PTPRK: variants seen among roughly 807,000 people sequenced by gnomAD.
PTPRK encodes protein tyrosine phosphatase receptor type K, also known as receptor-type tyrosine-protein phosphatase kappa.
Under a neutral mutation model 178.0 loss-of-function variants are expected in PTPRK, and 75 were observed. The ratio of observed to expected loss-of-function variants is 0.42; its 90% CI spans 0.35 to 0.51. The LOEUF (loss-of-function observed/expected upper bound fraction) is 0.51. Among genes scored for constraint, PTPRK ranks in the 20% least tolerant of loss-of-function variants. PTPRK has a pLI of 0.02. For synonymous variants in PTPRK, 637 were observed against 620.6 expected, an observed-to-expected ratio of 1.03 and a Z score of -0.39; for missense variants, 1,441 against 1,797.8, an observed-to-expected ratio of 0.80 and a Z score of 3.59.
intron 10 of PTPRK, 93 bp downstream of exon 10, chr6:128,082,343 TG>T (rs1308054051): frequency 8.6e-7 from 1 of 1,168,152 alleles, no homozygotes; most frequent in Non-Finnish European, 1.3e-6. Context: ...ACAAGCAAGA[TG>T]AACTACACTT....
At chr6:128,054,189 C>T (rs941918375) in intron 13 of PTPRK, among the ~76,000 whole-genome samples, 1 of 152,142 alleles carries the variant, frequency 6.6e-6, no homozygotes, top group African/African-American at 2.4e-5. Flanking sequence ...AGATGTAAAG[C>T]ATGTTTTCCA....
intron 2 of PTPRK, among the ~76,000 whole-genome samples, chr6:128,369,661 T>A (rs976208513): frequency 6.6e-6 from 1 of 152,190 alleles, no homozygotes; most frequent in East Asian, 1.9e-4. Flanking sequence ...CTGAATAGAT[T>A]ATGAAAGTTT....
intron 7 of PTPRK, among the ~76,000 whole-genome samples, chr6:128,156,401 G>A (rs1327699138): frequency 3.3e-5 from 5 of 151,996 alleles, no homozygotes; most frequent in East Asian, 2.0e-4. Context: ...TTAACAGGAA[G>A]CATGGCTTGG....
chr6:128,423,172 A>T (rs1311482914), intron 1 of PTPRK, among the ~76,000 whole-genome samples: 2 of 152,256 alleles, frequency 1.3e-5, no homozygotes, highest in African/African-American at 4.8e-5. Flanking sequence ...AAAAGTTTTT[A>T]AAAGCTTAAC....
chr6:128,331,512 T>C (rs1830276072), intron 2 of PTPRK, among the ~76,000 whole-genome samples: 1 of 151,938 alleles, frequency 6.6e-6, no homozygotes, highest in African/African-American at 2.4e-5. Flanking sequence ...GAAATGATAA[T>C]AAGCAAAATT....
intron 11 of PTPRK, among the ~76,000 whole-genome samples, chr6:128,072,362 T>C (rs1782979281): frequency 6.6e-6 from 1 of 152,152 alleles, no homozygotes; most frequent in South Asian, 2.1e-4. Flanking sequence ...GAAATGAATA[T>C]AATACATCTA....
intron 27 of PTPRK, 139 bp from the exon 28 acceptor site, chr6:127,973,966 G>A: frequency 1.3e-6 from 1 of 753,018 alleles, no homozygotes; most frequent in Non-Finnish European, 2.0e-6. Context: ...ATATGTACAT[G>A]CTAGTAAAAA....
intron 1 of PTPRK, among the ~76,000 whole-genome samples, chr6:128,426,637 T>C (rs1450295400): frequency 6.6e-6 from 1 of 152,218 alleles, no homozygotes; most frequent in Non-Finnish European, 1.5e-5. Flanking sequence ...AGATGTAACA[T>C]TTTCAAAGAA....
At chr6:128,012,851 C>T (rs554110160) in intron 13 of PTPRK, among the ~76,000 whole-genome samples, 1 of 151,440 alleles carries the variant, frequency 6.6e-6, no homozygotes, top group South Asian at 2.1e-4. Flanking sequence ...ATTAAGTAAT[C>T]TTATGGTGTC....
chr6:128,510,266 GGTCC>G (rs1856977836), intron 1 of PTPRK, among the ~76,000 whole-genome samples: 1 of 152,120 alleles, frequency 6.6e-6, no homozygotes, highest in Non-Finnish European at 1.5e-5. Flanking sequence ...GCACAGCCAT[GGTCC>G]TCAGTCAAAT....
rs1223157915 is a variant in PTPRK at position 128,089,795 on chromosome 6, C to T, written c.1360G>A (p.Val454Met). The T allele has an allele frequency of 1.5e-5, 25 of 1,613,780 alleles. No individual in the cohort carries two copies. The highest frequency in any genetic ancestry group is 2.1e-5 in the Non-Finnish European group (25 of 1,179,812). ...TTTGTATAAGGTGGCAGATGGTTCACAACATGCTGAGGGGCTTTGGGGTCC... is the reference window on the plus strand; with the variant it reads ...TTTGTATAAGGTGGCAGATGGTTCATAACATGCTGAGGGGCTTTGGGGTCC... ...DMDPKAPQHV[V>M]NHLPPYTNVS... is the part of the protein sequence containing the mutation. The change falls in exon 8 of 30, where the codon GTG becomes ATG. Residue 454 changes from valine to methionine, a missense_variant. Val to Met is a conservative substitution (Grantham distance 21). This residue lies in a region of PTPRK where 945 missense variants were observed against 1,080.6 expected (regional missense o/e 0.87). Coordinates refer to ENST00000368226, the MANE Select transcript of PTPRK (RefSeq NM_002844.4).
intron 7 of PTPRK, among the ~76,000 whole-genome samples, chr6:128,091,972 T>C (rs1007586945): frequency 1.1e-4 from 17 of 152,216 alleles, no homozygotes; most frequent in African/African-American, 2.9e-4. Flanking sequence ...TTATTTATTA[T>C]CTGTTATGCA....
At chr6:128,432,812 T>A (rs532458435) in intron 1 of PTPRK, among the ~76,000 whole-genome samples, 1 of 152,128 alleles carries the variant, frequency 6.6e-6, no homozygotes, top group East Asian at 1.9e-4. Flanking sequence ...ATTTTTACAT[T>A]TTTATTATTA....
intron 15 of PTPRK, chr6:128,000,165 TA>T: frequency 2.1e-6 from 2 of 966,708 alleles, no homozygotes; most frequent in Non-Finnish European, 2.5e-6. Context: ...AATACACTCT[TA>T]GGGGAACTTT....
chr6:128,386,087 T>C (rs1259415530), intron 2 of PTPRK, among the ~76,000 whole-genome samples: 1 of 152,172 alleles, frequency 6.6e-6, no homozygotes, highest in African/African-American at 2.4e-5. Context: ...TATCTTGATT[T>C]AATTTTAATC....
chr6:128,416,485 CA>C (rs538378758), intron 1 of PTPRK, among the ~76,000 whole-genome samples: 177 of 140,108 alleles, frequency 1.3e-3, no homozygotes, highest in South Asian at 3.8e-3. Flanking sequence ...ACTAAAAATA[CA>C]AAAAAAAAAA....
chr6:128,002,478 C>A (rs904332553), intron 15 of PTPRK, among the ~76,000 whole-genome samples: 7 of 151,464 alleles, frequency 4.6e-5, no homozygotes, highest in African/African-American at 1.7e-4. Flanking sequence ...GAACAGGGTA[C>A]AAAGTGAAAT....
At chr6:128,158,117 G>T (rs190905497) in intron 7 of PTPRK, among the ~76,000 whole-genome samples, 2 of 151,926 alleles carry the variant, frequency 1.3e-5, no homozygotes, top group African/African-American at 4.8e-5. Flanking sequence ...TTTTGTATAA[G>T]GTGTAAGGAA....
At chr6:128,005,836 T>C (rs946169259) in intron 14 of PTPRK, among the ~76,000 whole-genome samples, 10 of 144,584 alleles carry the variant, frequency 6.9e-5, no homozygotes, top group Non-Finnish European at 1.5e-4. Flanking sequence ...TAGCTGGACA[T>C]ACAGAAATAC....
Sources: allele counts gnomAD v4.1 joint callset (sites outside exome capture counted in the v4.1 genomes callset), GRCh38; gene constraint gnomAD v4.1.1; regional missense constraint gnomAD v4.1.1; transcripts MANE v1.5; gene names NCBI Gene and HGNC (gene_info 2026-07-23, HGNC 2026-07-21).